PDE7A: variants seen among roughly 807,000 people sequenced by gnomAD.
The protein encoded by PDE7A is phosphodiesterase 7A, also known as high affinity 3',5'-cyclic-AMP phosphodiesterase 7A.
PDE7A carries 39 observed loss-of-function variants against 64.3 expected under a neutral mutation model. The observed-to-expected ratio is 0.61, with a 90% confidence interval of 0.47 to 0.79. PDE7A has a LOEUF of 0.79. PDE7A is among the 30% of genes least tolerant of loss of function. The pLI is 0.00. For synonymous variants in PDE7A, 203 were observed against 206.8 expected, an observed-to-expected ratio of 0.98 and a Z score of 0.16; for missense variants, 470 against 582.8, an observed-to-expected ratio of 0.81 and a Z score of 1.99.
At position 65,811,873 on chromosome 8, in the gene PDE7A, T is replaced by G. The variant is rs1004611737; in HGVS notation, c.139-29030A>C. ...ATTATTAAACTATTAGTTTAAATGG[T>G]TTGATACTGGAACATGAATAGACAG... is the stretch of plus-strand genomic sequence containing the variant. On this transcript the variant is annotated intron_variant, in intron 1 of 12. Coordinates refer to ENST00000401827, the MANE Select transcript of PDE7A (RefSeq NM_001242318.3). Among the ~76,000 whole-genome samples, 19 of 152,164 alleles carry G rather than the reference T, an allele frequency of 1.2e-4. 2 individuals carry two copies. The highest frequency in any genetic ancestry group is 1.1e-3 in the Admixed American group (17 of 15,264).
intron 3 of PDE7A, among the ~76,000 whole-genome samples, chr8:65,773,288 C>T (rs1366627691): frequency 6.6e-6 from 1 of 152,028 alleles, no homozygotes; most frequent in African/African-American, 2.4e-5. Flanking sequence ...AAAAAAACTC[C>T]TCTAAATTAT....
chr8:65,787,372 A>G (rs1036904552), intron 1 of PDE7A, among the ~76,000 whole-genome samples: 14 of 152,216 alleles, frequency 9.2e-5, no homozygotes, highest in African/African-American at 3.4e-4. Flanking sequence ...AATTTTTGGC[A>G]ACATTACCGA....
intron 1 of PDE7A, among the ~76,000 whole-genome samples, chr8:65,808,972 A>C (rs1810176677): frequency 6.6e-6 from 1 of 152,234 alleles, no homozygotes; most frequent in Admixed American, 6.5e-5. Flanking sequence ...CTTTGAAAAA[A>C]ATGTGATCTG....
Position 65,715,767 on chromosome 8 carries a change from C to T in PDE7A, c.*3523G>A, listed in dbSNP as rs1231975771. Among the ~76,000 whole-genome samples the T allele has an allele frequency of 4.0e-5, 6 of 148,200 alleles. No homozygotes were observed. Among genetic ancestry groups the T allele is most frequent in the Admixed American group, 6.7e-5 (1 of 15,018 alleles). On this transcript the variant is annotated 3_prime_UTR_variant, in exon 13 of 13. Coordinates refer to ENST00000401827, the MANE Select transcript of PDE7A (RefSeq NM_001242318.3). Reference sequence around the variant, plus strand: ...ATGGGAGGCCGAGGCGGGCGGATCACGAGGTCAGGAGATTGAGACCATCCT... The same window carrying T: ...ATGGGAGGCCGAGGCGGGCGGATCATGAGGTCAGGAGATTGAGACCATCCT...
intron 1 of PDE7A, among the ~76,000 whole-genome samples, chr8:65,835,937 T>C (rs1257550468): frequency 6.6e-6 from 1 of 152,238 alleles, no homozygotes; most frequent in Admixed American, 6.5e-5. Flanking sequence ...TGGATTTACA[T>C]TAATATTATG....
chr8:65,775,220 A>C (rs997539476), intron 3 of PDE7A, among the ~76,000 whole-genome samples: 1 of 152,152 alleles, frequency 6.6e-6, no homozygotes, highest in Non-Finnish European at 1.5e-5. Flanking sequence ...TTTATTGCAA[A>C]CAACCAGCTC....
chr8:65,755,074 G>A (rs561107496), intron 3 of PDE7A, among the ~76,000 whole-genome samples: 7 of 145,856 alleles, frequency 4.8e-5, no homozygotes, highest in East Asian at 2.1e-4. Context: ...AGGCTGGAGC[G>A]CAGTGGTGTG....
intron 1 of PDE7A, among the ~76,000 whole-genome samples, chr8:65,787,788 G>GGAA (rs200496728): frequency 7.8e-6 from 1 of 127,752 alleles, no homozygotes. Flanking sequence ...ACAGGGGGGG[G>GGAA]AAAAAAAAAA....
intron 12 of PDE7A, 38 bp downstream of exon 12, chr8:65,723,503 A>G: frequency 7.1e-7 from 1 of 1,412,136 alleles, no homozygotes; most frequent in Non-Finnish European, 9.3e-7. Context: ...AAACAGTGGC[A>G]TTTTTCTAAC....
intron 1 of PDE7A, among the ~76,000 whole-genome samples, chr8:65,805,015 A>G (rs1158577656): frequency 1.3e-5 from 2 of 151,748 alleles, no homozygotes; most frequent in Non-Finnish European, 2.9e-5. Flanking sequence ...AATTTTTGAA[A>G]AAATTTTTGG....
intron 3 of PDE7A, among the ~76,000 whole-genome samples, chr8:65,767,706 TAG>T (rs940286545): frequency 1.3e-5 from 2 of 152,158 alleles, no homozygotes; most frequent in African/African-American, 4.8e-5. Flanking sequence ...GCTTAACATG[TAG>T]AGTTTCTTGG....
In PDE7A at chr8:65,779,795, G is replaced by T; in HGVS notation, c.208C>A (p.Arg70Ser). 6.3e-7 allele frequency: 1 copy of T among 1,588,132 alleles called. No individual in the cohort carries two copies. Among genetic ancestry groups the T allele is most frequent in the Non-Finnish European group, 8.6e-7 (1 of 1,159,616 alleles). ...TCAAATCCTGCTCGGCTCCTTACAC[G>T]TACATCTCCTGGACAGAATCAAGAA... ...ALYIRMLGDV[R>S]VRSRAGFESE... The change falls in exon 3 of 13, where the codon CGT becomes AGT. Residue 70 changes from arginine (R) to serine (S), a missense_variant. Physicochemically the swap from Arg to Ser is moderately radical, Grantham distance 110. Coordinates refer to ENST00000401827, the MANE Select transcript of PDE7A (RefSeq NM_001242318.3).
intron 3 of PDE7A, among the ~76,000 whole-genome samples, chr8:65,777,777 T>A (rs1352485101): frequency 7.2e-5 from 11 of 152,238 alleles, no homozygotes; most frequent in Admixed American, 7.2e-4. Flanking sequence ...AATCTCATAA[T>A]TGCTCCTTTG....
chr8:65,840,920 G>A (rs569359417), intron 1 of PDE7A, among the ~76,000 whole-genome samples: 2 of 152,278 alleles, frequency 1.3e-5, no homozygotes, highest in African/African-American at 2.4e-5. Flanking sequence ...CCAGGCGAGC[G>A]CCGCGGGGCG....
intron 3 of PDE7A, among the ~76,000 whole-genome samples, chr8:65,755,485 C>A (rs1440493418): frequency 1.3e-5 from 2 of 152,100 alleles, no homozygotes; most frequent in Non-Finnish European, 2.9e-5. Flanking sequence ...TTGAATAATA[C>A]CAATTTAATT....
intron 3 of PDE7A, among the ~76,000 whole-genome samples, chr8:65,751,561 C>T (rs370711274): frequency 8.6e-5 from 13 of 151,828 alleles, no homozygotes; most frequent in Admixed American, 2.0e-4. Context: ...GGTGCGATAT[C>T]GGCTCACCGC....
At chr8:65,799,585 G>A (rs1046557587) in intron 1 of PDE7A, among the ~76,000 whole-genome samples, 1 of 152,176 alleles carries the variant, frequency 6.6e-6, no homozygotes, top group Admixed American at 6.5e-5. Flanking sequence ...GTAAACAGGA[G>A]AATAGAGAAA....
intron 1 of PDE7A, among the ~76,000 whole-genome samples, chr8:65,798,200 ATATATAT>A (rs1280673795): frequency 1.9e-4 from 4 of 21,400 alleles, no homozygotes; most frequent in African/African-American, 5.8e-4. Context: ...ATATATATAT[ATATATAT>A]TTTTTTTTTT....
intron 3 of PDE7A, chr8:65,771,060 C>T: frequency 2.7e-6 from 1 of 370,256 alleles, no homozygotes; most frequent in Non-Finnish European, 5.3e-6. Flanking sequence ...CAATCCAAAC[C>T]ACAATAATTC....
Sources: gnomAD v4.1 joint callset for allele counts (sites outside exome capture counted in the v4.1 genomes callset) on GRCh38, gnomAD v4.1.1 for gene constraint, MANE v1.5 for transcripts, NCBI Gene and HGNC (gene_info 2026-07-23, HGNC 2026-07-21) for gene names.